RIPOR2: variants seen among roughly 807,000 people sequenced by gnomAD.
RIPOR2 encodes the protein RHO family interacting cell polarization regulator 2.
In RIPOR2, 39 loss-of-function variants were observed where a neutral mutation model predicts 114.5. The observed-to-expected ratio is 0.34, with a 90% CI of 0.26 to 0.44. The LOEUF (loss-of-function observed/expected upper bound fraction) is 0.44, where lower values mean the gene tolerates loss of function less well. Among genes scored for constraint, RIPOR2 ranks in the 20% least tolerant of loss-of-function variants. The pLI is 1.00. For synonymous variants in RIPOR2, 445 were observed against 484.4 expected (o/e 0.92, Z 1.07); for missense variants, 1,007 against 1,255.1 (o/e 0.80, Z 2.99).
intron 1 of RIPOR2, among the ~76,000 whole-genome samples, chr6:24,991,956 C>T (rs1013495182): frequency 6.6e-6 from 1 of 152,046 alleles, no homozygotes. Flanking sequence ...GAGAGTTCAC[C>T]ACGTGGACTC....
rs548994876 is a variant in RIPOR2 at position 24,881,105 on chromosome 6, G to A, written c.62-5288C>T. Among the ~76,000 whole-genome samples the A allele has an allele frequency of 9.2e-5, 14 of 152,238 alleles. No individual in the cohort carries two copies. In the South Asian group the frequency reaches 2.7e-3, roughly 29 times the overall value. ...AAAATACAAAAAAAATTAGCTGGGC[G>A]TGGTGGCGGGTGCCTGTAATCCCAG... On this transcript the variant is annotated intron_variant, in intron 1 of 21. Transcript: ENST00000643898.
In RIPOR2 at chr6:24,873,687, T is replaced by C. The variant is rs2113889716; in HGVS notation, c.301A>G (p.Lys101Glu). 6.2e-7 allele frequency: 1 copy of C among 1,613,854 alleles called. No homozygotes were observed. Among genetic ancestry groups the C allele is most frequent in the East Asian group, 2.2e-5 (1 of 44,882 alleles). The change falls in exon 3 of 22, where the codon AAA (lysine) becomes GAA (glutamate). Residue 101 changes from lysine (K) to glutamate (E), a missense_variant. By Grantham distance (56) the Lys-to-Glu change is moderately conservative. Coordinates refer to ENST00000643898, the MANE Select transcript of RIPOR2 (RefSeq NM_001286445.3). ...NNNPPKEPQP[K>E]RVEEVYRALK... Reference sequence around the variant, plus strand: ...GCCCTGTAGACTTCTTCCACCCTTTTAGGCTGAGGCTCTTTGGGGGGATTG... The same window carrying C: ...GCCCTGTAGACTTCTTCCACCCTTTCAGGCTGAGGCTCTTTGGGGGGATTG...
intron 1 of RIPOR2, among the ~76,000 whole-genome samples, chr6:24,878,384 A>G (rs1252709703): frequency 1.3e-5 from 2 of 152,182 alleles, no homozygotes; most frequent in Admixed American, 1.3e-4. Context: ...TCTGTACTCA[A>G]TTTGACAACC....
intron 1 of RIPOR2, chr6:24,947,753 T>G (rs1772503814): frequency 3.0e-5 from 4 of 132,588 alleles, no homozygotes; most frequent in East Asian, 2.1e-4. Flanking sequence ...AGGAAAAGAG[T>G]AGGGGAAGGG....
At chr6:24,943,248 A>G (rs1284408188) in intron 1 of RIPOR2, among the ~76,000 whole-genome samples, 1 of 152,232 alleles carries the variant, frequency 6.6e-6, no homozygotes, top group East Asian at 1.9e-4. Context: ...AGGACAAAAA[A>G]TCAAATACTG....
chr6:24,833,809 T>A (rs765631652), intron 15 of RIPOR2, among the ~76,000 whole-genome samples: 1 of 152,198 alleles, frequency 6.6e-6, no homozygotes, highest in Non-Finnish European at 1.5e-5. Context: ...ACAGAAAGGA[T>A]GAATTGTTAT....
intron 1 of RIPOR2, among the ~76,000 whole-genome samples, chr6:24,960,579 G>A (rs1773256982): frequency 6.6e-6 from 1 of 152,142 alleles, no homozygotes; most frequent in Non-Finnish European, 1.5e-5. Flanking sequence ...AGGCTGGAGA[G>A]CAGTGGTGCA....
At chr6:25,042,126 C>T (rs1777480943), upstream of RIPOR2, 1 of 494,242 alleles carries the variant, frequency 2.0e-6, no homozygotes, top group East Asian at 3.4e-5. Context: ...CCTTGCCTTT[C>T]CTTCCCTTAA....
rs960127498 is a variant in RIPOR2, at chr6:24,896,827, C to A, written c.62-21010G>T. On this transcript the variant is annotated intron_variant, in intron 1 of 21. Transcript: ENST00000643898. ...CTGAGGCACAAGAATCACTTGAACC[C>A]GGGAGGCAGAGGTTGCAGTGAGCTG... is the stretch of plus-strand genomic sequence containing the variant. Among the ~76,000 whole-genome samples the A allele has an allele frequency of 1.1e-4, 17 of 152,224 alleles. 1 individual carries two copies. In the South Asian group the frequency reaches 3.5e-3, roughly 32 times the overall value.
At chr6:24,847,789 G>A (rs1027338615) in intron 12 of RIPOR2, 2 of 1,293,980 alleles carry the variant, frequency 1.5e-6, no homozygotes, top group African/African-American at 1.5e-5. Context: ...AAACAAGGAG[G>A]CTATTATTTA....
At chr6:24,890,250 C>T (rs10447381) in intron 1 of RIPOR2, among the ~76,000 whole-genome samples, 2 of 152,136 alleles carry the variant, frequency 1.3e-5, no homozygotes, top group Non-Finnish European at 2.9e-5. Context: ...TGAGATCAAC[C>T]TAAGTTTCCA....
chr6:24,850,787 G>C, intron 9 of RIPOR2, 65 bp from the exon 10 acceptor site: 1 of 1,584,060 alleles, frequency 6.3e-7, no homozygotes. Flanking sequence ...AGAACACCAA[G>C]ATCAAAAGGA....
At chr6:24,975,053 T>G (rs9393598) in intron 1 of RIPOR2, among the ~76,000 whole-genome samples, 25,483 of 152,214 alleles carry the variant, frequency 0.17, 2,920 homozygotes, top group East Asian at 0.54. Context: ...AATAAAAATA[T>G]TCTAAAATTG....
Position 24,985,351 on chromosome 6 carries a change from G to C in RIPOR2, c.76+56500C>G, listed in dbSNP as rs184161218. Among the ~76,000 whole-genome samples, 19 of 135,550 alleles carry C rather than the reference G, an allele frequency of 1.4e-4. No individual in the cohort carries two copies. The East Asian group carries it at 3.7e-3, about 26-fold the overall frequency. The allele number at this position is 135,550 out of a possible 152,430, so 88.9% of individuals were successfully genotyped here. The stretch of plus-strand genomic sequence containing the variant: ...TCTGAAAGGCAAGAGGTGGGACCAG[G>C]GGCTCCATAGACCAAGTGATTTTTT... On this transcript the variant is annotated intron_variant, in intron 1 of 13. Transcript: ENST00000510784.
At chr6:24,877,137 A>T (rs1266707778) in intron 1 of RIPOR2, 1 of 985,192 alleles carries the variant, frequency 1.0e-6, no homozygotes, top group African/African-American at 1.7e-5. Flanking sequence ...CAGCAGCAGA[A>T]CTCTCTGGTA....
chr6:25,024,079 T>TG (rs766130448), intron 1 of RIPOR2: 2 of 775,280 alleles, frequency 2.6e-6, no homozygotes, highest in East Asian at 4.9e-5. Context: ...GCCCTTTATC[T>TG]GGGGGACCAG....
chr6:24,923,979 G>T (rs1249984579), intron 1 of RIPOR2, among the ~76,000 whole-genome samples: 1 of 152,146 alleles, frequency 6.6e-6, no homozygotes, highest in East Asian at 1.9e-4. Context: ...CTCTAAATGT[G>T]CATGGGTGTG....
intron 7 of RIPOR2, among the ~76,000 whole-genome samples, chr6:24,863,847 A>G (rs1353513276): frequency 1.3e-5 from 2 of 152,150 alleles, no homozygotes; most frequent in Admixed American, 6.5e-5. Flanking sequence ...CCACTACTAG[A>G]TCTTATAATT....
chr6:24,949,177 C>G (rs1772617621), intron 1 of RIPOR2, among the ~76,000 whole-genome samples: 1 of 152,034 alleles, frequency 6.6e-6, no homozygotes, highest in Non-Finnish European at 1.5e-5. Flanking sequence ...GGCAGTGAAC[C>G]AAGACTTACA....
Sources: allele counts gnomAD v4.1 joint callset (sites outside exome capture counted in the v4.1 genomes callset), GRCh38; gene constraint gnomAD v4.1.1; transcripts MANE v1.5; gene names NCBI Gene and HGNC (gene_info 2026-07-23, HGNC 2026-07-21).